Variants in PDE4B observed in about 807,000 individuals in gnomAD.
PDE4B encodes phosphodiesterase 4B.
Under a neutral mutation model 82.2 loss-of-function variants are expected in PDE4B, and 20 were observed. The ratio of observed to expected loss-of-function variants is 0.24; its 90% CI spans 0.17 to 0.35. PDE4B has a LOEUF of 0.35. Among genes scored for constraint, PDE4B ranks in the 10% least tolerant of loss-of-function variants. PDE4B has a pLI of 1.00. For synonymous variants in PDE4B, 320 were observed against 318.9 expected (o/e 1.00, Z -0.04); for missense variants, 655 against 907.2 (o/e 0.72, Z 3.57).
At chr1:66,203,250 A>G (rs1440676587) in intron 3 of PDE4B, among the ~76,000 whole-genome samples, 2 of 151,926 alleles carry the variant, frequency 1.3e-5, no homozygotes, top group Non-Finnish European at 2.9e-5. Flanking sequence ...TTTGTGGGTA[A>G]CCTGACCTTT....
chr1:65,903,562 A>G (rs1389250262), intron 1 of PDE4B, among the ~76,000 whole-genome samples: 5 of 152,148 alleles, frequency 3.3e-5, no homozygotes, highest in African/African-American at 1.2e-4. Flanking sequence ...CCTGGGCAAT[A>G]GAGCAAGAGC....
intron 1 of PDE4B, among the ~76,000 whole-genome samples, chr1:65,874,020 T>A (rs1320084013): frequency 7.9e-5 from 12 of 151,536 alleles, no homozygotes; most frequent in Admixed American, 7.9e-4. Flanking sequence ...TATGGCCATT[T>A]TCACGATATT....
At chr1:66,013,759 A>G (rs1393957095) in intron 3 of PDE4B, among the ~76,000 whole-genome samples, 1 of 152,110 alleles carries the variant, frequency 6.6e-6, no homozygotes. Context: ...TGTTATGAAC[A>G]TGGATGTAAA....
intron 3 of PDE4B, among the ~76,000 whole-genome samples, chr1:66,117,328 C>T (rs1425780838): frequency 2.0e-5 from 3 of 151,880 alleles, no homozygotes; most frequent in South Asian, 2.1e-4. Context: ...TGAGTGTTAC[C>T]GAGAAATTAC....
At chr1:66,305,484 T>C (rs1658206172) in intron 7 of PDE4B, among the ~76,000 whole-genome samples, 1 of 152,140 alleles carries the variant, frequency 6.6e-6, no homozygotes, top group African/African-American at 2.4e-5. Flanking sequence ...TGAAAAAAAG[T>C]ATTATCTGAA....
intron 3 of PDE4B, among the ~76,000 whole-genome samples, chr1:66,103,097 G>A (rs1645258789): frequency 1.3e-5 from 2 of 152,094 alleles, no homozygotes; most frequent in African/African-American, 4.8e-5. Flanking sequence ...TGAGTTGTAG[G>A]AATGCTTTGT....
At chr1:66,227,597 T>C (rs1369601389) in intron 3 of PDE4B, among the ~76,000 whole-genome samples, 2 of 152,094 alleles carry the variant, frequency 1.3e-5, no homozygotes, top group Admixed American at 6.6e-5. Flanking sequence ...TAACATCAGC[T>C]CTCCCAGCTA....
chr1:65,976,470 A>G (rs1200711771), intron 3 of PDE4B, among the ~76,000 whole-genome samples: 1 of 152,208 alleles, frequency 6.6e-6, no homozygotes, highest in African/African-American at 2.4e-5. Context: ...TAATGCTGGA[A>G]TGAGTTAAGA....
intron 3 of PDE4B, among the ~76,000 whole-genome samples, chr1:65,966,408 C>G (rs1295013207): frequency 6.6e-6 from 1 of 152,076 alleles, no homozygotes; most frequent in Non-Finnish European, 1.5e-5. Flanking sequence ...GGGACAAAAA[C>G]AAAAGGAAAA....
intron 4 of PDE4B, among the ~76,000 whole-genome samples, chr1:66,249,009 C>G (rs557289581): frequency 2.1e-4 from 32 of 152,256 alleles, no homozygotes; most frequent in Non-Finnish European, 4.1e-4. Context: ...CTAAGCCTGA[C>G]CATATTAAAA....
intron 3 of PDE4B, among the ~76,000 whole-genome samples, chr1:66,017,901 G>C (rs1652868478): frequency 6.6e-6 from 1 of 152,044 alleles, no homozygotes; most frequent in African/African-American, 2.4e-5. Flanking sequence ...ATTATTTACT[G>C]AGTTGTATGT....
At chr1:66,254,035 G>A (rs143261109) in intron 4 of PDE4B, among the ~76,000 whole-genome samples, 1 of 152,194 alleles carries the variant, frequency 6.6e-6, no homozygotes, top group East Asian at 1.9e-4. Context: ...TCAGCTCAAG[G>A]TACCACCTAT....
chr1:66,201,017 C>T (rs1648878617), intron 3 of PDE4B, among the ~76,000 whole-genome samples: 2 of 152,078 alleles, frequency 1.3e-5, no homozygotes, highest in East Asian at 1.9e-4. Context: ...TGAGATACAT[C>T]CCATCAATAC....
At chr1:65,903,157 A>G (rs1251745145) in intron 1 of PDE4B, among the ~76,000 whole-genome samples, 1 of 152,160 alleles carries the variant, frequency 6.6e-6, no homozygotes, top group Admixed American at 6.6e-5. Flanking sequence ...AAGTGGCAGA[A>G]CTTCTTGTCA....
chr1:66,341,354 T>C (rs756607305), intron 8 of PDE4B, among the ~76,000 whole-genome samples: 1 of 152,226 alleles, frequency 6.6e-6, no homozygotes, highest in Non-Finnish European at 1.5e-5. Flanking sequence ...GAGAAAGACA[T>C]GGGACATTCT....
intron 1 of PDE4B, among the ~76,000 whole-genome samples, chr1:65,859,146 A>G (rs1646426562): frequency 6.6e-6 from 1 of 152,104 alleles, no homozygotes; most frequent in Non-Finnish European, 1.5e-5. Context: ...TGGATCTTTG[A>G]GAACTTATTT....
chr1:65,922,584 T>G (rs1289765882), intron 3 of PDE4B, among the ~76,000 whole-genome samples: 1 of 152,140 alleles, frequency 6.6e-6, no homozygotes, highest in Non-Finnish European at 1.5e-5. Context: ...CTGGGCAGGA[T>G]CCCCTCACCT....
At chr1:66,115,914 G>A (rs114760375) in intron 3 of PDE4B, among the ~76,000 whole-genome samples, 1,783 of 152,174 alleles carry the variant, frequency 0.012, 41 homozygotes, top group African/African-American at 0.042. Flanking sequence ...GACTTTGTAC[G>A]TAATCCTCCT....
At chr1:66,268,633 A>C (rs1655226141) in intron 7 of PDE4B, among the ~76,000 whole-genome samples, 1 of 144,264 alleles carries the variant, frequency 6.9e-6, no homozygotes, top group Non-Finnish European at 1.5e-5. Context: ...GCACCACTGA[A>C]CTCAAGCCCA....
Sources: gnomAD v4.1 joint callset for allele counts (sites outside exome capture counted in the v4.1 genomes callset) on GRCh38, gnomAD v4.1.1 for gene constraint, MANE v1.5 for transcripts, NCBI Gene and HGNC (gene_info 2026-07-23, HGNC 2026-07-21) for gene names.